Variants in TNRC6C observed in about 807,000 individuals in gnomAD.
TNRC6C encodes the protein trinucleotide repeat containing adaptor 6C.
A neutral mutation model predicts 153.7 loss-of-function variants in TNRC6C; 20 were observed. The ratio of observed to expected loss-of-function variants is 0.13; its 90% CI spans 0.09 to 0.19. The LOEUF is 0.19. TNRC6C is among the 10% of genes least tolerant of loss of function. The pLI, the probability that TNRC6C is intolerant of heterozygous loss-of-function variation, is 1.00. For synonymous variants in TNRC6C, 811 were observed against 841.4 expected (o/e 0.96, Z 0.63); for missense variants, 1,987 against 2,172.0 (o/e 0.91, Z 1.69).
intron 13 of TNRC6C, among the ~76,000 whole-genome samples, chr17:78,088,634 T>C (rs1038897199): frequency 2.0e-5 from 3 of 148,558 alleles, no homozygotes; most frequent in Middle Eastern, 3.4e-3. Flanking sequence ...TTCTCTCTCT[T>C]TTTTTTTTTG....
chr17:77,970,673 A>ATG (rs1567894182), intron 1 of TNRC6C, among the ~76,000 whole-genome samples: 1 of 151,840 alleles, frequency 6.6e-6, no homozygotes, highest in Non-Finnish European at 1.5e-5. Flanking sequence ...GTGTGTGTGT[A>ATG]TGTGTGTGTT....
chr17:78,093,862 C>A, intron 16 of TNRC6C, 99 bp downstream of exon 18: 1 of 1,478,810 alleles, frequency 6.8e-7, no homozygotes, highest in East Asian at 2.3e-5. Context: ...AGGGATGATA[C>A]AAGGCACAGT....
chr17:78,099,551 T>A (rs2073551111), intron 17 of TNRC6C, among the ~76,000 whole-genome samples: 1 of 152,170 alleles, frequency 6.6e-6, no homozygotes, highest in African/African-American at 2.4e-5. Flanking sequence ...TCATGAGACT[T>A]ACTCACTATC....
exon 11 of TNRC6C, chr17:78,083,116 A>G (rs769525895): frequency 1.4e-5 from 23 of 1,613,876 alleles, no homozygotes; most frequent in South Asian, 7.7e-5. Context: ...AACCTCGCCA[A>G]TTAATCCTCA....
At chr17:78,042,104 A>G (rs1039536206) in intron 2 of TNRC6C, among the ~76,000 whole-genome samples, 2 of 152,216 alleles carry the variant, frequency 1.3e-5, no homozygotes, top group African/African-American at 4.8e-5. Flanking sequence ...TCTTTCAACC[A>G]TGCTATTATG....
intron 4 of TNRC6C, 46 bp downstream of exon 6, chr17:78,064,983 AC>A (rs766933507): frequency 6.5e-7 from 1 of 1,537,394 alleles, no homozygotes; most frequent in African/African-American, 1.4e-5. Flanking sequence ...TTTGGAAATG[AC>A]TCAAAGTATT....
chr17:78,055,126 T>G (rs562488568), intron 3 of TNRC6C, among the ~76,000 whole-genome samples: 1 of 152,368 alleles, frequency 6.6e-6, no homozygotes, highest in African/African-American at 2.4e-5. Flanking sequence ...ATTAAAAGAT[T>G]AAAAGATACT....
chr17:77,970,749 A>C (rs1464794769), intron 1 of TNRC6C, among the ~76,000 whole-genome samples: 1 of 152,130 alleles, frequency 6.6e-6, no homozygotes, highest in Non-Finnish European at 1.5e-5. Context: ...TCTTCTTCCA[A>C]GGTGGCCCAG....
At chr17:77,979,117 A>G (rs975525480) in intron 1 of TNRC6C, among the ~76,000 whole-genome samples, 2 of 152,234 alleles carry the variant, frequency 1.3e-5, no homozygotes, top group African/African-American at 4.8e-5. Context: ...TATGTTTAGT[A>G]AATTAAGTGA....
At chr17:78,084,001 C>T (rs570617486) in intron 11 of TNRC6C, among the ~76,000 whole-genome samples, 29 of 152,022 alleles carry the variant, frequency 1.9e-4, no homozygotes, top group Non-Finnish European at 4.0e-4. Context: ...GACCAGGAAT[C>T]GGCCGGGCAC....
rs1283978564 is a variant in TNRC6C, at chr17:78,075,308, C to CT, written c.3060+36dup. The CT allele has an allele frequency of 6.5e-7, 1 of 1,549,356 alleles. No homozygotes were observed. Among genetic ancestry groups the CT allele is most frequent in the Non-Finnish European group, 8.7e-7 (1 of 1,143,564 alleles). ...GAATATAGGTGGTTTGTTGTTTTTG[C>CT]TTTTTTAACAAGAGGAGTTTTTCAT... On this transcript the variant is annotated intron_variant, in intron 8 of 19. Transcript: ENST00000301624. The surrounding 1 kb of genome is among the most constrained non-coding windows in gnomAD (Gnocchi z 4.2).
chr17:77,988,146 G>A (rs1399151495), intron 1 of TNRC6C, among the ~76,000 whole-genome samples: 1 of 152,110 alleles, frequency 6.6e-6, no homozygotes, highest in East Asian at 1.9e-4. Context: ...TAGGCCAGAA[G>A]TTTGAGACCA....
chr17:77,960,381 C>A (rs1012044369), intron 1 of TNRC6C, among the ~76,000 whole-genome samples: 1 of 152,162 alleles, frequency 6.6e-6, no homozygotes, highest in Non-Finnish European at 1.5e-5. Flanking sequence ...CGTACTTCGG[C>A]CAGTACAAGG....
At chr17:78,065,935 T>G (rs2072867756) in intron 4 of TNRC6C, among the ~76,000 whole-genome samples, 1 of 152,166 alleles carries the variant, frequency 6.6e-6, no homozygotes, top group Non-Finnish European at 1.5e-5. Context: ...AAATCTGATA[T>G]TAAAATTAAT....
At chr17:78,048,745 A>G in intron 2 of TNRC6C, 100 bp from the exon 5 acceptor site, 1 of 1,129,912 alleles carries the variant, frequency 8.9e-7, no homozygotes, top group Non-Finnish European at 1.1e-6. Flanking sequence ...TTCAGATTTG[A>G]AGACTTGAAA....
intron 3 of TNRC6C, among the ~76,000 whole-genome samples, chr17:78,052,262 G>A (rs909618496): frequency 6.6e-6 from 1 of 152,182 alleles, no homozygotes. Context: ...TAGAGAGGGA[G>A]CATGCATTAG....
At chr17:77,987,115 G>A (rs2071181361) in intron 1 of TNRC6C, among the ~76,000 whole-genome samples, 1 of 152,118 alleles carries the variant, frequency 6.6e-6, no homozygotes, top group Admixed American at 6.5e-5. Flanking sequence ...ATGATTAAAG[G>A]TTAATGTATT....
intron 1 of TNRC6C, among the ~76,000 whole-genome samples, chr17:78,022,163 G>T (rs1295082623): frequency 4.6e-5 from 7 of 152,142 alleles, no homozygotes; most frequent in South Asian, 2.1e-4. Context: ...CTTTAAAAAT[G>T]TAAGGGGCAT....
upstream of TNRC6C, among the ~76,000 whole-genome samples, chr17:78,001,452 G>T (rs2071410466): frequency 1.3e-5 from 2 of 152,124 alleles, no homozygotes; most frequent in African/African-American, 2.4e-5. Context: ...TGCAGTGGCG[G>T]TATACTGGAA....
Sources: gnomAD v4.1 joint callset for allele counts (sites outside exome capture counted in the v4.1 genomes callset) on GRCh38, gnomAD v4.1.1 for gene constraint, Gnocchi (gnomAD v3.1) non-coding constraint, MANE v1.5 for transcripts, NCBI Gene and HGNC (gene_info 2026-07-23, HGNC 2026-07-21) for gene names.